Variants in PLAAT3 observed in about 807,000 individuals in gnomAD.
PLAAT3 encodes the protein Ca-independent phospholipase A1/2.
Under a neutral mutation model 16.7 loss-of-function variants are expected in PLAAT3, and 21 were observed. That is an observed-to-expected ratio of 1.26 (90% CI 0.89 to 1.81). The LOEUF (loss-of-function observed/expected upper bound fraction) is 1.81, where lower values mean the gene tolerates loss of function less well. Ranked by LOEUF, PLAAT3 falls within the 40% of genes most tolerant of loss-of-function variation. The probability of loss-of-function intolerance (pLI) is 0.00; values close to 1 mark genes in which losing one functional copy is unlikely to be tolerated. For synonymous variants in PLAAT3, 76 were observed against 81.7 expected, an observed-to-expected ratio of 0.93 and a Z score of 0.38; for missense variants, 219 against 213.7, an observed-to-expected ratio of 1.02 and a Z score of -0.16.
intron 2 of PLAAT3, among the ~76,000 whole-genome samples, chr11:63,607,739 G>A (rs577494215): frequency 1.2e-4 from 18 of 151,732 alleles, no homozygotes; most frequent in Non-Finnish European, 1.8e-4. Flanking sequence ...GGAGATGTAC[G>A]GAGAGAGGCA....
At chr11:63,584,508 G>GTTTTTTTTTTT (rs59460211) in intron 4 of PLAAT3, among the ~76,000 whole-genome samples, 1 of 140,242 alleles carries the variant, frequency 7.1e-6, no homozygotes, top group Non-Finnish European at 1.5e-5. Flanking sequence ...TTTTTTTTTT[G>GTTTTTTTTTTT]TTTTTTTTTG....
chr11:63,599,874 T>C (rs781093284), intron 2 of PLAAT3, among the ~76,000 whole-genome samples: 3 of 152,162 alleles, frequency 2.0e-5, no homozygotes, highest in Non-Finnish European at 4.4e-5. Flanking sequence ...GGTGTGGACA[T>C]CAGTAAGACC....
intron 2 of PLAAT3, among the ~76,000 whole-genome samples, chr11:63,603,158 T>C (rs1938471690): frequency 1.3e-5 from 2 of 152,158 alleles, no homozygotes; most frequent in African/African-American, 4.8e-5. Flanking sequence ...TGCCAACCCC[T>C]ATTGTAAAAG....
At chr11:63,606,748 A>G (rs1045541277) in intron 2 of PLAAT3, among the ~76,000 whole-genome samples, 1 of 151,660 alleles carries the variant, frequency 6.6e-6, no homozygotes, top group Non-Finnish European at 1.5e-5. Flanking sequence ...AAGGAGGCCA[A>G]CGAGGCCGGA....
intron 4 of PLAAT3, among the ~76,000 whole-genome samples, chr11:63,588,406 A>T (rs1938041508): frequency 6.6e-6 from 1 of 152,214 alleles, no homozygotes; most frequent in Admixed American, 6.5e-5. Context: ...AAAACAAGAC[A>T]CAAATGTTTT....
intron 3 of PLAAT3, 98 bp from the exon 4 acceptor site, chr11:63,590,466 C>CTTTGTGG: frequency 1.9e-6 from 2 of 1,042,108 alleles, no homozygotes; most frequent in Non-Finnish European, 2.9e-6. Flanking sequence ...TTGGCTCATC[C>CTTTGTGG]ACAAAGGATA....
intron 3 of PLAAT3, among the ~76,000 whole-genome samples, chr11:63,591,392 GAA>G (rs1363599907): frequency 3.3e-5 from 5 of 152,004 alleles, no homozygotes; most frequent in African/African-American, 7.2e-5. Flanking sequence ...AGGAAAAAAA[GAA>G]AAAGAAAAAG....
intron 4 of PLAAT3, among the ~76,000 whole-genome samples, chr11:63,585,457 G>A (rs186786538): frequency 6.6e-5 from 10 of 152,106 alleles, no homozygotes; most frequent in Non-Finnish European, 1.3e-4. Flanking sequence ...TACATCTGGC[G>A]GTGGGATGCT....
rs771730712 is a variant in PLAAT3 at position 63,590,318 on chromosome 11, T to A, written c.169A>T (p.Lys57Ter). The change falls in exon 4 of 5, where the codon AAG becomes TAG. Residue 57 changes from lysine (K) to a stop codon, truncating the protein, a stop_gained. Transcript: ENST00000415826. LOFTEE classifies it high-confidence loss of function. ...AGCAATTCCTTCTTCACGATGGCCT[T>A]GTCAGTCAGGGCGGACATGACACTG... ...AASVMSALTD[K>*]AIVKKELLYD... The A allele has an allele frequency of 4.3e-6, 7 of 1,614,150 alleles. No homozygotes were observed. The highest frequency in any genetic ancestry group is 5.9e-6 in the Non-Finnish European group (7 of 1,179,972).
intron 2 of PLAAT3, among the ~76,000 whole-genome samples, chr11:63,605,678 G>A (rs1040794841): frequency 4.0e-5 from 6 of 151,766 alleles, no homozygotes; most frequent in South Asian, 4.2e-4. Context: ...TCAGCCTCCC[G>A]AGTAGCTGGG....
chr11:63,608,985 A>T lies in PLAAT3; in HGVS notation c.15+5015T>A, dbSNP rs1405403416. On this transcript the variant is annotated intron_variant, in intron 2 of 4. Transcript: ENST00000415826. ...GTTAATATCTAAAAAACACTCAGTA[A>T]ATAGGGCTTGATAACGTAGGAGCCA... Among the ~76,000 whole-genome samples the T allele has an allele frequency of 2.0e-5, 3 of 152,210 alleles. No homozygotes were observed. In the South Asian group the frequency reaches 6.2e-4, roughly 32 times the overall value.
At chr11:63,579,371 G>A (rs2134391726) in intron 4 of PLAAT3, among the ~76,000 whole-genome samples, 1 of 152,230 alleles carries the variant, frequency 6.6e-6, no homozygotes, top group Admixed American at 6.5e-5. Flanking sequence ...TCCCATTACT[G>A]GGTATATACC....
At chr11:63,584,118 A>G (rs933782359) in intron 4 of PLAAT3, among the ~76,000 whole-genome samples, 1 of 152,176 alleles carries the variant, frequency 6.6e-6, no homozygotes, top group African/African-American at 2.4e-5. Flanking sequence ...AAGAAATAAA[A>G]TATTTGCATA....
rs760694157 is a variant in PLAAT3, at chr11:63,590,328, G to C, written c.159C>G (p.Ala53=). ...TCTTCACGATGGCCTTGTCAGTCAG[G>C]GCGGACATGACACTGGCTGCACCAG... ...AGAGAASVMS[A]LTDKAIVKKE... is the part of the protein sequence containing the mutation. The change falls in exon 4 of 5, where the codon GCC becomes GCG. Residue 53 remains alanine (A), a synonymous_variant. Coordinates refer to ENST00000415826, the MANE Select transcript of PLAAT3 (RefSeq NM_001128203.2). The C allele has an allele frequency of 1.9e-6, 3 of 1,614,056 alleles. No individual in the cohort carries two copies. In the South Asian group the frequency reaches 3.3e-5, roughly 18 times the overall value.
chr11:63,575,429 G>T (rs149271632), intron 4 of PLAAT3, among the ~76,000 whole-genome samples: 10 of 152,346 alleles, frequency 6.6e-5, no homozygotes, highest in Middle Eastern at 3.4e-3. Context: ...TTGTTATTGA[G>T]TAGTCAGTAA....
At chr11:63,605,980 G>C in intron 2 of PLAAT3, among the ~76,000 whole-genome samples, 1 of 152,170 alleles carries the variant, frequency 6.6e-6, no homozygotes, top group East Asian at 1.9e-4. Flanking sequence ...CTCCAAGCCT[G>C]CAGTCTTGAT....
upstream of PLAAT3, among the ~76,000 whole-genome samples, chr11:63,615,404 A>ATG (rs1344693502): frequency 6.3e-4 from 2 of 3,174 alleles, 1 homozygote; most frequent in African/African-American, 6.5e-4. Context: ...ATATGTGTGT[A>ATG]TATGTGTGTG....
At chr11:63,582,263 T>A (rs887833681) in intron 4 of PLAAT3, among the ~76,000 whole-genome samples, 1 of 152,042 alleles carries the variant, frequency 6.6e-6, no homozygotes, top group Non-Finnish European at 1.5e-5. Context: ...TAAGAGATCA[T>A]AGAATCAGAG....
At chr11:63,615,388 G>A (rs985605664), upstream of PLAAT3, among the ~76,000 whole-genome samples, 5 of 54,770 alleles carry the variant, frequency 9.1e-5, 1 homozygote, top group African/African-American at 2.4e-4. Flanking sequence ...GTATATATAT[G>A]TGTATATATG....
Sources: gnomAD v4.1 joint callset for allele counts (sites outside exome capture counted in the v4.1 genomes callset) on GRCh38, gnomAD v4.1.1 for gene constraint, MANE v1.5 for transcripts, NCBI Gene and HGNC (gene_info 2026-07-23, HGNC 2026-07-21) for gene names.